CHODL: variants seen among roughly 807,000 people sequenced by gnomAD.
The protein encoded by CHODL is transmembrane protein MT75.
CHODL carries 29 observed loss-of-function variants against 34.5 expected under a neutral mutation model. The observed-to-expected ratio is 0.84, with a 90% CI of 0.63 to 1.15. CHODL has a LOEUF of 1.15. Among genes scored for constraint, CHODL ranks in the 50% most tolerant of loss-of-function variants. The pLI, the probability that CHODL is intolerant of heterozygous loss-of-function variation, is 0.00. For missense variants in CHODL, 332 were observed against 332.5 expected (o/e 1.00, Z 0.01); for synonymous variants, 125 against 116.1 (o/e 1.08, Z -0.49).
At chr21:18,158,568 TG>T (rs2073059797) in intron 2 of CHODL, among the ~76,000 whole-genome samples, 1 of 152,178 alleles carries the variant, frequency 6.6e-6, no homozygotes, top group African/African-American at 2.4e-5. Context: ...CCTGGCACGG[TG>T]GCTCATGCCT....
intron 2 of CHODL, among the ~76,000 whole-genome samples, chr21:18,155,369 A>G (rs973224225): frequency 1.9e-4 from 29 of 152,192 alleles, no homozygotes; most frequent in Admixed American, 1.5e-3. Flanking sequence ...CCCAGAATTC[A>G]TGTGCCTTGT....
intron 2 of CHODL, among the ~76,000 whole-genome samples, chr21:18,232,155 A>G (rs2073985438): frequency 6.6e-6 from 1 of 152,086 alleles, no homozygotes; most frequent in Non-Finnish European, 1.5e-5. Flanking sequence ...TTTACTTAAT[A>G]GTTTTTCTTT....
intron 1 of CHODL, among the ~76,000 whole-genome samples, chr21:17,951,830 G>A (rs968550226): frequency 2.6e-5 from 4 of 152,166 alleles, no homozygotes; most frequent in African/African-American, 9.7e-5. Context: ...GAGCCTCAAT[G>A]AGCTGTGGGA....
At chr21:18,055,798 G>C (rs1158521566) in intron 2 of CHODL, among the ~76,000 whole-genome samples, 1 of 152,012 alleles carries the variant, frequency 6.6e-6, no homozygotes, top group East Asian at 1.9e-4. Context: ...AGAACATAGG[G>C]GGAGAGTAGA....
Position 18,076,702 on chromosome 21 carries a change from T to C in CHODL, c.-45+48731T>C, listed in dbSNP as rs139295727. ...AGCCAGGAACTATTGTCTAAGACAA[T>C]AGAAGAATGATCCAGAGTCAATTTG... On this transcript the variant is annotated intron_variant, in intron 2 of 6. Coordinates refer to the CHODL transcript ENST00000400127. Among the ~76,000 whole-genome samples the C allele has an allele frequency of 4.7e-4, 71 of 152,260 alleles. No homozygotes were observed. The East Asian group carries it at 0.011, about 23-fold the overall frequency.
At chr21:17,979,973 A>G (rs1308651602) in intron 1 of CHODL, among the ~76,000 whole-genome samples, 4 of 152,130 alleles carry the variant, frequency 2.6e-5, no homozygotes, top group East Asian at 3.9e-4. Flanking sequence ...GTTCTATTCC[A>G]TGAGGTTTCT....
intron 3 of CHODL, among the ~76,000 whole-genome samples, chr21:18,258,687 T>C (rs1377269115): frequency 6.6e-6 from 1 of 151,960 alleles, no homozygotes; most frequent in African/African-American, 2.4e-5. Context: ...TTTTATGTAG[T>C]TTTTGTTTTG....
At chr21:18,193,511 T>A (rs972524874) in intron 2 of CHODL, among the ~76,000 whole-genome samples, 1 of 151,732 alleles carries the variant, frequency 6.6e-6, no homozygotes, top group East Asian at 1.9e-4. Context: ...CTGCCCAACA[T>A]GGTGAAACCC....
intron 2 of CHODL, among the ~76,000 whole-genome samples, chr21:18,185,577 TG>T (rs1227941833): frequency 6.6e-6 from 1 of 152,178 alleles, no homozygotes; most frequent in Non-Finnish European, 1.5e-5. Flanking sequence ...ATCCTGGTGG[TG>T]GCTTGTGTGA....
intron 2 of CHODL, among the ~76,000 whole-genome samples, chr21:18,147,540 T>A (rs972446379): frequency 2.6e-5 from 4 of 152,230 alleles, no homozygotes; most frequent in Admixed American, 6.5e-5. Context: ...ATTATTTTCT[T>A]ATAATCACAG....
intron 2 of CHODL, among the ~76,000 whole-genome samples, chr21:18,233,214 A>G (rs558720505): frequency 3.9e-5 from 6 of 151,962 alleles, no homozygotes; most frequent in African/African-American, 7.2e-5. Flanking sequence ...AAGTGAGAAC[A>G]TATGGTTTTT....
rs3077803 is a variant in CHODL, at chr21:17,973,417, CTTTTTTT to C, written c.-144-54443_-144-54437del. Among the ~76,000 whole-genome samples the C allele has an allele frequency of 3.2e-5, 4 of 123,494 alleles. No individual in the cohort carries two copies. The Admixed American group carries it at 3.5e-4, about 11-fold the overall frequency. The allele number at this position is 123,494 out of a possible 152,430, so 81.0% of individuals were successfully genotyped here. A position where few individuals can be genotyped will look rare whatever the true frequency, so the allele number is the denominator to read the frequency against. The stretch of plus-strand genomic sequence containing the variant: ...GCATTTTCTTTTCTTTTCTTTCTTT[CTTTTTTT>C]TTTTTTTTTTTGAGACAGTCTCACT... On this transcript the variant is annotated intron_variant, in intron 1 of 6. Transcript: ENST00000400127.
At chr21:18,101,982 A>T (rs2065220776) in intron 2 of CHODL, among the ~76,000 whole-genome samples, 1 of 152,186 alleles carries the variant, frequency 6.6e-6, no homozygotes, top group Non-Finnish European at 1.5e-5. Flanking sequence ...TCAATTAAAG[A>T]TGAGTAACTG....
intron 2 of CHODL, among the ~76,000 whole-genome samples, chr21:18,176,709 A>G (rs1165960030): frequency 6.6e-6 from 1 of 152,180 alleles, no homozygotes; most frequent in East Asian, 1.9e-4. Context: ...CAGCCCAAGG[A>G]TAAGTAGATT....
At chr21:18,231,108 T>C (rs1189226744) in intron 2 of CHODL, among the ~76,000 whole-genome samples, 1 of 152,066 alleles carries the variant, frequency 6.6e-6, no homozygotes, top group African/African-American at 2.4e-5. Context: ...TTGGGGAGAA[T>C]ATGGGCATTG....
Position 18,096,125 on chromosome 21 carries a change from G to A in CHODL, c.-45+68154G>A, listed in dbSNP as rs1331572290. Among the ~76,000 whole-genome samples, 6 of 152,082 alleles carry A rather than the reference G, an allele frequency of 3.9e-5. No individual in the cohort carries two copies. In the East Asian group the frequency reaches 1.2e-3, roughly 29 times the overall value. On this transcript the variant is annotated intron_variant, in intron 2 of 6. Transcript: ENST00000400127. ...TTACTGCAATCTCTGAACATAAATTGTGAAGATTTCATGGACATTGATCAC... is the reference window on the plus strand; with the variant it reads ...TTACTGCAATCTCTGAACATAAATTATGAAGATTTCATGGACATTGATCAC...
intron 2 of CHODL, among the ~76,000 whole-genome samples, chr21:18,036,281 G>A (rs968595124): frequency 3.9e-5 from 6 of 151,924 alleles, no homozygotes; most frequent in South Asian, 2.1e-4. Context: ...TCAGTTCTGG[G>A]GAATATTACC....
intron 1 of CHODL, among the ~76,000 whole-genome samples, chr21:17,927,186 G>GTATATATATGTATATATGTATATATATT (rs1429793617): frequency 6.8e-6 from 1 of 146,012 alleles, no homozygotes; most frequent in African/African-American, 2.6e-5. Flanking sequence ...GTATATATAT[G>GTATATATATGTATATATGTATATATATT]TATATGTATG....
intron 1 of CHODL, among the ~76,000 whole-genome samples, chr21:17,930,001 A>G (rs1421053954): frequency 6.6e-6 from 1 of 152,112 alleles, no homozygotes; most frequent in East Asian, 1.9e-4. Flanking sequence ...CTGCCTGAGC[A>G]TTTTGGCTGT....
Sources: allele counts gnomAD v4.1 joint callset (sites outside exome capture counted in the v4.1 genomes callset), GRCh38; gene constraint gnomAD v4.1.1; transcripts MANE v1.5; gene names NCBI Gene and HGNC (gene_info 2026-07-23, HGNC 2026-07-21).